ADAMTS18: variants seen among roughly 807,000 people sequenced by gnomAD.
ADAMTS18 encodes the protein ADAM metallopeptidase with thrombospondin type 1 motif 18.
In ADAMTS18, 157 loss-of-function variants were observed where a neutral mutation model predicts 165.9. The ratio of observed to expected loss-of-function variants is 0.95; its 90% CI spans 0.83 to 1.08. The LOEUF is 1.08. Among genes scored for constraint, ADAMTS18 ranks in the 50% least tolerant of loss-of-function variants. The pLI is 0.00. For synonymous variants in ADAMTS18, 782 were observed against 578.2 expected, an observed-to-expected ratio of 1.35 and a Z score of -5.06; for missense variants, 2,040 against 1,534.0, an observed-to-expected ratio of 1.33 and a Z score of -5.51.
At chr16:77,406,660 A>C (rs976653585) in intron 3 of ADAMTS18, among the ~76,000 whole-genome samples, 4 of 152,116 alleles carry the variant, frequency 2.6e-5, no homozygotes, top group Admixed American at 1.3e-4. Flanking sequence ...ACACGCACTC[A>C]TATGTTCATC....
At position 77,434,890 on chromosome 16, in the gene ADAMTS18, C is replaced by A; in HGVS notation, c.-195G>T. ...GGCCGCCTGCGCGCCCTCCCTTCTCCCGGCGCGGGCCTGCCGAGCTGCAGT... is the reference window on the plus strand; with the variant it reads ...GGCCGCCTGCGCGCCCTCCCTTCTCACGGCGCGGGCCTGCCGAGCTGCAGT... On this transcript the variant is annotated 5_prime_UTR_variant, in exon 1 of 23. Transcript: ENST00000282849. 2.3e-6 allele frequency: 1 copy of A among 426,870 alleles called. No individual in the cohort carries two copies. The highest frequency in any genetic ancestry group is 4.1e-5 in the East Asian group (1 of 24,132). The allele number at this position is 426,870 out of a possible 1,614,324, so 26.4% of individuals were successfully genotyped here.
chr16:77,368,929 T>C (rs1267158690), intron 3 of ADAMTS18, among the ~76,000 whole-genome samples: 1 of 152,236 alleles, frequency 6.6e-6, no homozygotes, highest in Non-Finnish European at 1.5e-5. Flanking sequence ...ACAGTATGGA[T>C]ATCTTCGTAC....
At chr16:77,381,488 T>G (rs12599014) in intron 3 of ADAMTS18, among the ~76,000 whole-genome samples, 132,344 of 152,132 alleles carry the variant, frequency 0.87, 57,691 homozygotes, top group East Asian at 0.91. Context: ...CAGAAGTGAG[T>G]GCTGAGGTTA....
At chr16:77,384,711 G>A (rs2057080810) in intron 3 of ADAMTS18, among the ~76,000 whole-genome samples, 1 of 151,982 alleles carries the variant, frequency 6.6e-6, no homozygotes, top group Admixed American at 6.6e-5. Flanking sequence ...TATTCTGCCT[G>A]GCATTACTGT....
At chr16:77,412,710 C>T (rs1381116839) in intron 3 of ADAMTS18, among the ~76,000 whole-genome samples, 1 of 152,094 alleles carries the variant, frequency 6.6e-6, no homozygotes, top group Admixed American at 6.5e-5. Flanking sequence ...AAAGGGAAAA[C>T]CCCTTATGAA....
At chr16:77,293,575 A>G (rs1453180566) in intron 19 of ADAMTS18, among the ~76,000 whole-genome samples, 1 of 151,772 alleles carries the variant, frequency 6.6e-6, no homozygotes, top group Non-Finnish European at 1.5e-5. Flanking sequence ...GAACCCCTAA[A>G]CAAGCTCAAA....
intron 3 of ADAMTS18, among the ~76,000 whole-genome samples, chr16:77,428,836 G>T (rs559274541): frequency 4.4e-4 from 67 of 152,186 alleles, no homozygotes; most frequent in African/African-American, 1.5e-3. Flanking sequence ...CAACACTTCT[G>T]GTCCCAAACA....
At chr16:77,359,786 T>C (rs895826392) in intron 7 of ADAMTS18, among the ~76,000 whole-genome samples, 1 of 152,168 alleles carries the variant, frequency 6.6e-6, no homozygotes, top group Non-Finnish European at 1.5e-5. Context: ...GATAGAATGA[T>C]AGCAAAACCA....
rs542804487 is a variant in ADAMTS18 at position 77,289,210 on chromosome 16, TG to T, written c.3550+53del. 3.4e-5 allele frequency: 54 copies of T among 1,608,202 alleles called. No individual in the cohort carries two copies. The African/African-American group carries it at 5.1e-4, about 15-fold the overall frequency. The stretch of plus-strand genomic sequence containing the variant: ...GCTGCACTACTAACAAAGTAGCCTT[TG>T]AAAAAATTATCTAAAGACTAGTAAA... On this transcript the variant is annotated intron_variant, in intron 22 of 22. Coordinates refer to ENST00000282849, the MANE Select transcript of ADAMTS18 (RefSeq NM_199355.4).
intron 3 of ADAMTS18, among the ~76,000 whole-genome samples, chr16:77,381,225 G>A (rs1342173659): frequency 6.7e-6 from 1 of 148,266 alleles, no homozygotes; most frequent in Admixed American, 6.8e-5. Flanking sequence ...TCAGGGGGCT[G>A]TCTGACTCCA....
intron 2 of ADAMTS18, among the ~76,000 whole-genome samples, chr16:77,432,987 C>A (rs1427123664): frequency 6.6e-6 from 1 of 152,134 alleles, no homozygotes; most frequent in Admixed American, 6.5e-5. Context: ...CCTCCTTTAA[C>A]TAAAAATGCT....
At chr16:77,358,654 G>A (rs1054637194) in intron 8 of ADAMTS18, among the ~76,000 whole-genome samples, 1 of 152,170 alleles carries the variant, frequency 6.6e-6, no homozygotes, top group South Asian at 2.1e-4. Flanking sequence ...TTAACTAGAT[G>A]CTTTGAAAAT....
In ADAMTS18 at chr16:77,364,318, C is replaced by A; in HGVS notation, c.842G>T (p.Arg281Leu). The change falls in exon 5 of 23, where the codon CGA (arginine) becomes CTA (leucine). Residue 281 changes from arginine to leucine, a missense_variant. By Grantham distance (102) the Arg-to-Leu change is moderately radical. Transcript: ENST00000282849. Reference sequence around the variant, plus strand: ...TGATTTTCCAGCTGATCTTCTGGGTCGCCCAGAGCTCCCATATTCATCAAA... The same window carrying A: ...TGATTTTCCAGCTGATCTTCTGGGTAGCCCAGAGCTCCCATATTCATCAAA... ...LRFDEYGSSG[R>L]PRRSAGKSQK... 1 of 1,613,894 alleles carries A rather than the reference C, an allele frequency of 6.2e-7. No individual in the cohort carries two copies. The highest frequency in any genetic ancestry group is 8.5e-7 in the Non-Finnish European group (1 of 1,180,012).
At chr16:77,333,304 G>A (rs61353413) in intron 12 of ADAMTS18, among the ~76,000 whole-genome samples, 23,691 of 151,840 alleles carry the variant, frequency 0.16, 2,280 homozygotes, top group Admixed American at 0.32. Context: ...AGGGCCTGTC[G>A]CATGGTGGGG....
rs1597124912 is a variant in ADAMTS18 at position 77,325,808 on chromosome 16, G to T, written c.2032+58C>A. 8 of 1,531,304 alleles carry T rather than the reference G, an allele frequency of 5.2e-6. No homozygotes were observed. In the East Asian group the frequency reaches 1.4e-4, roughly 26 times the overall value. The allele number at this position is 1,531,304 out of a possible 1,614,324, so 94.9% of individuals were successfully genotyped here. On this transcript the variant is annotated intron_variant, in intron 13 of 22. Coordinates refer to ENST00000282849, the MANE Select transcript of ADAMTS18 (RefSeq NM_199355.4). ...ACAAGCAGCAATTTCTTCTGTATTG[G>T]TCAATCACATTATTATCCACATAGA...
chr16:77,376,809 C>CTTTTTT (rs549942617), intron 3 of ADAMTS18, among the ~76,000 whole-genome samples: 45 of 103,478 alleles, frequency 4.3e-4, no homozygotes, highest in African/African-American at 9.7e-4. Flanking sequence ...CTAAATCATT[C>CTTTTTT]TTTTTTTTTT....
intron 10 of ADAMTS18, among the ~76,000 whole-genome samples, chr16:77,342,792 G>A (rs2056418464): frequency 6.6e-6 from 1 of 152,204 alleles, no homozygotes; most frequent in Non-Finnish European, 1.5e-5. Context: ...TGCAATTGAG[G>A]TCATCATCAA....
rs574379972 is a variant in ADAMTS18, at chr16:77,400,221, T to A, written c.495+31074A>T. ...TCCAGCTGCAGTAGACAGTTCAGGC[T>A]AAGCTCAGCCTTGCCTCCAGCAGAC... is the stretch of plus-strand genomic sequence containing the variant. On this transcript the variant is annotated intron_variant, in intron 3 of 22. Coordinates refer to ENST00000282849, the MANE Select transcript of ADAMTS18 (RefSeq NM_199355.4). 9.9e-5 allele frequency among the ~76,000 whole-genome samples: 15 copies of A among 152,276 alleles called. No homozygotes were observed. The Middle Eastern group carries it at 0.014, about 138-fold the overall frequency.
chr16:77,393,529 G>A (rs2057217697), intron 3 of ADAMTS18, among the ~76,000 whole-genome samples: 1 of 152,158 alleles, frequency 6.6e-6, no homozygotes, highest in South Asian at 2.1e-4. Flanking sequence ...CTCCTGGGAA[G>A]TGATTAGATC....
Sources: allele counts gnomAD v4.1 joint callset (sites outside exome capture counted in the v4.1 genomes callset), GRCh38; gene constraint gnomAD v4.1.1; transcripts MANE v1.5; gene names NCBI Gene and HGNC (gene_info 2026-07-23, HGNC 2026-07-21).